The following XXYLT1 variants were observed in gnomAD, a reference collection of about 807,000 sequenced individuals.
XXYLT1 encodes the protein xyloside xylosyltransferase 1.
XXYLT1 carries 20 observed loss-of-function variants against 28.9 expected under a neutral mutation model. That is an observed-to-expected ratio of 0.69 (90% CI 0.49 to 1.00). The LOEUF is 1.00. Among genes scored for constraint, XXYLT1 ranks in the 50% least tolerant of loss-of-function variants. The pLI, the probability that XXYLT1 is intolerant of heterozygous loss-of-function variation, is 0.00. For missense variants in XXYLT1, 542 were observed against 560.1 expected (o/e 0.97, Z 0.33); for synonymous variants, 257 against 253.8 (o/e 1.01, Z -0.12).
In XXYLT1 at chr3:195,230,882, T is replaced by C. The variant is rs143975090; in HGVS notation, c.505-4026A>G. Among the ~76,000 whole-genome samples, 57 of 152,346 alleles carry C rather than the reference T, an allele frequency of 3.7e-4. 2 individuals carry two copies. In the East Asian group the frequency reaches 0.01, roughly 28 times the overall value. On this transcript the variant is annotated intron_variant, in intron 1 of 3. Coordinates refer to ENST00000310380, the MANE Select transcript of XXYLT1 (RefSeq NM_152531.5). Reference sequence around the variant, plus strand: ...ATTCTGGGTCTTTTGTGGTTCCATATAAATTTTAGGATTTTTTTCCTATTT... The same window carrying C: ...ATTCTGGGTCTTTTGTGGTTCCATACAAATTTTAGGATTTTTTTCCTATTT...
In XXYLT1 at chr3:195,173,289, C is replaced by T. The variant is rs1243228387; in HGVS notation, c.653-16708G>A. The stretch of plus-strand genomic sequence containing the variant: ...CCAAAGACAGAGAGTGTAGCTGCTA[C>T]TCCTCAAGGAAAGAAAATACCAGGA... On this transcript the variant is annotated intron_variant, in intron 2 of 3. Coordinates refer to ENST00000310380, the MANE Select transcript of XXYLT1 (RefSeq NM_152531.5). This position sits in a 1 kb window ranked among gnomAD's most constrained non-coding sequence, Gnocchi z 4.3. Among the ~76,000 whole-genome samples, 1 of 152,202 alleles carries T rather than the reference C, an allele frequency of 6.6e-6. No individual in the cohort carries two copies. Among genetic ancestry groups the T allele is most frequent in the African/African-American group, 2.4e-5 (1 of 41,450 alleles).
chr3:195,151,989 T>C (rs778758039), intron 3 of XXYLT1, among the ~76,000 whole-genome samples: 55 of 152,306 alleles, frequency 3.6e-4, no homozygotes, highest in Non-Finnish European at 7.1e-4. Context: ...AGTAATTCTC[T>C]GTGTTAGAGA....
intron 1 of XXYLT1, among the ~76,000 whole-genome samples, chr3:195,227,254 T>C (rs114160228): frequency 9.5e-4 from 145 of 152,228 alleles, no homozygotes; most frequent in African/African-American, 2.8e-3. Context: ...CCTCATCACA[T>C]TGCATGGCTA....
At chr3:195,103,475 G>A (rs1716922930) in intron 3 of XXYLT1, among the ~76,000 whole-genome samples, 1 of 147,598 alleles carries the variant, frequency 6.8e-6, no homozygotes, top group Non-Finnish European at 1.5e-5. Flanking sequence ...TTCTGCATTT[G>A]TTAGAGGCTG....
chr3:195,107,241 A>G (rs2001522), intron 3 of XXYLT1, among the ~76,000 whole-genome samples: 99,832 of 151,368 alleles, frequency 0.66, 33,540 homozygotes, highest in Middle Eastern at 0.73. Flanking sequence ...TTGGAGGCCG[A>G]GGCGGGCGGA....
chr3:195,093,018 A>C (rs1716198922), intron 3 of XXYLT1, among the ~76,000 whole-genome samples: 1 of 95,878 alleles, frequency 1.0e-5, no homozygotes. Context: ...ATCATTAAAA[A>C]GTCAGGAAAC....
intron 2 of XXYLT1, among the ~76,000 whole-genome samples, chr3:195,221,145 G>C (rs207464211): frequency 6.6e-6 from 1 of 152,214 alleles, no homozygotes; most frequent in South Asian, 2.1e-4. Flanking sequence ...TCCTAATTGG[G>C]AAACACTCTA....
At chr3:195,166,281 T>C (rs1721114287) in intron 2 of XXYLT1, among the ~76,000 whole-genome samples, 1 of 152,260 alleles carries the variant, frequency 6.6e-6, no homozygotes, top group Non-Finnish European at 1.5e-5. Flanking sequence ...ATTTAATTCA[T>C]TAGTTTTTCT....
chr3:195,171,319 C>A (rs1296250524), intron 2 of XXYLT1, among the ~76,000 whole-genome samples: 1 of 152,208 alleles, frequency 6.6e-6, no homozygotes, highest in Admixed American at 6.5e-5. Context: ...CTGTTACCAG[C>A]GTCCGCACAC....
At chr3:195,222,154 G>A (rs1723855556) in intron 2 of XXYLT1, among the ~76,000 whole-genome samples, 1 of 152,222 alleles carries the variant, frequency 6.6e-6, no homozygotes. Context: ...GCCAAGTCCT[G>A]TAAGTTTCAC....
intron 2 of XXYLT1, among the ~76,000 whole-genome samples, chr3:195,223,146 T>C (rs564291113): frequency 1.3e-5 from 2 of 151,800 alleles, no homozygotes; most frequent in African/African-American, 4.8e-5. Context: ...GGCAGGAGAA[T>C]TGCTTGAACC....
chr3:195,128,664 G>A (rs1718756844), intron 3 of XXYLT1, among the ~76,000 whole-genome samples: 1 of 152,106 alleles, frequency 6.6e-6, no homozygotes, highest in Admixed American at 6.5e-5. Flanking sequence ...ACCAACTCCT[G>A]CTTTCCTTCC....
chr3:195,191,347 T>C (rs115458608), intron 2 of XXYLT1, among the ~76,000 whole-genome samples: 14 of 152,368 alleles, frequency 9.2e-5, no homozygotes, highest in African/African-American at 3.4e-4. Context: ...AAGATCTTTA[T>C]GATGATCTGC....
chr3:195,250,569 A>C (rs1282900338), intron 1 of XXYLT1, among the ~76,000 whole-genome samples: 2 of 151,910 alleles, frequency 1.3e-5, no homozygotes, highest in African/African-American at 4.8e-5. Context: ...CATCTCAAAA[A>C]AAAAAAAAAA....
At chr3:195,090,808 G>A (rs2108660868) in intron 3 of XXYLT1, among the ~76,000 whole-genome samples, 1 of 150,292 alleles carries the variant, frequency 6.7e-6, no homozygotes, top group South Asian at 2.1e-4. Flanking sequence ...AAAGAGAGAA[G>A]AATCAAATAG....
rs1455901734 is a variant in XXYLT1, at chr3:195,124,756, GAC to G, written c.785+31691_785+31692del. Among the ~76,000 whole-genome samples, 1 of 152,156 alleles carries G rather than the reference GAC, an allele frequency of 6.6e-6. No individual in the cohort carries two copies. The highest frequency in any genetic ancestry group is 1.5e-5 in the Non-Finnish European group (1 of 68,022). ...TCACAAGACTGCCCTCGCTGGCCGGGACACAGTCAGCCAGGTTCCAGGGACCA... is the reference window on the plus strand; with the variant it reads ...TCACAAGACTGCCCTCGCTGGCCGGGACAGTCAGCCAGGTTCCAGGGACCA... On this transcript the variant is annotated intron_variant, in intron 3 of 3. Coordinates refer to ENST00000310380, the MANE Select transcript of XXYLT1 (RefSeq NM_152531.5). This position sits in a 1 kb window ranked among gnomAD's most constrained non-coding sequence, Gnocchi z 4.1.
At chr3:195,151,022 G>A (rs555634087) in intron 3 of XXYLT1, among the ~76,000 whole-genome samples, 1 of 152,082 alleles carries the variant, frequency 6.6e-6, no homozygotes, top group African/African-American at 2.4e-5. Flanking sequence ...TCTACAGAGT[G>A]GTGACCTCAA....
Position 195,257,631 on chromosome 3 carries a change from C to T in XXYLT1, c.504+12924G>A, listed in dbSNP as rs1049066172. ...CAGGTACATCCTGGCTGGGCCGGCACGGGCCCCGTAGCTCTCCCTGTGGCT... is the reference window on the plus strand; with the variant it reads ...CAGGTACATCCTGGCTGGGCCGGCATGGGCCCCGTAGCTCTCCCTGTGGCT... On this transcript the variant is annotated intron_variant, in intron 1 of 3. Coordinates refer to ENST00000310380, the MANE Select transcript of XXYLT1 (RefSeq NM_152531.5). This position sits in a 1 kb window ranked among gnomAD's most constrained non-coding sequence, Gnocchi z 4.3. Among the ~76,000 whole-genome samples, 41 of 152,118 alleles carry T rather than the reference C, an allele frequency of 2.7e-4. No individual in the cohort carries two copies. The highest frequency in any genetic ancestry group is 8.9e-4 in the African/African-American group (37 of 41,428).
At chr3:195,116,915 C>T (rs1191444418) in intron 3 of XXYLT1, among the ~76,000 whole-genome samples, 1 of 152,018 alleles carries the variant, frequency 6.6e-6, no homozygotes, top group Non-Finnish European at 1.5e-5. Flanking sequence ...CTCAGGCACA[C>T]CAGGGGTCAG....
Sources: allele counts gnomAD v4.1 joint callset (sites outside exome capture counted in the v4.1 genomes callset), GRCh38; gene constraint gnomAD v4.1.1; non-coding constraint Gnocchi (gnomAD v3.1); transcripts MANE v1.5; gene names NCBI Gene and HGNC (gene_info 2026-07-23, HGNC 2026-07-21).